KCNMA1: variants seen among roughly 807,000 people sequenced by gnomAD.
KCNMA1 encodes the protein Calcium-activated potassium channel subunit alpha-1.
Under a neutral mutation model 140.0 loss-of-function variants are expected in KCNMA1, and 29 were observed. The ratio of observed to expected loss-of-function variants is 0.21; its 90% CI spans 0.15 to 0.28. KCNMA1 has a LOEUF of 0.28. KCNMA1 is among the 10% of genes least tolerant of loss of function. KCNMA1 has a pLI of 1.00. For missense variants in KCNMA1, 880 were observed against 1,602.2 expected, an observed-to-expected ratio of 0.55 and a Z score of 7.70; for synonymous variants, 612 against 611.9, an observed-to-expected ratio of 1.00 and a Z score of 0.00.
chr10:76,929,538 G>T (rs1591023293), intron 23 of KCNMA1, among the ~76,000 whole-genome samples: 1 of 152,182 alleles, frequency 6.6e-6, no homozygotes, highest in African/African-American at 2.4e-5. Context: ...CTAGGAGAAT[G>T]ATTTATTCTA....
chr10:77,421,698 T>C (rs1433878814), intron 1 of KCNMA1, among the ~76,000 whole-genome samples: 1 of 152,258 alleles, frequency 6.6e-6, no homozygotes, highest in Non-Finnish European at 1.5e-5. Context: ...AAACCATTCT[T>C]AGCTAATGGG....
At chr10:77,106,043 G>C (rs998275009) in intron 9 of KCNMA1, among the ~76,000 whole-genome samples, 2 of 151,980 alleles carry the variant, frequency 1.3e-5, no homozygotes, top group African/African-American at 4.8e-5. Flanking sequence ...CTTTATTACC[G>C]TGCCTTTCCC....
chr10:77,571,356 T>C (rs2071220455), intron 1 of KCNMA1, among the ~76,000 whole-genome samples: 2 of 152,208 alleles, frequency 1.3e-5, no homozygotes, highest in Admixed American at 6.5e-5. Flanking sequence ...CCAGAGAGAA[T>C]GTGCATTTGA....
Position 76,889,520 on chromosome 10 carries a change from T to G in KCNMA1, c.3392A>C (p.Asn1131Thr), listed in dbSNP as rs1464644965. Residue 1131 changes from asparagine (N) to threonine (T), a missense_variant, in exon 27 of 28, where the codon AAT becomes ACT. By Grantham distance (65) the Asn-to-Thr change is moderately conservative. Coordinates refer to ENST00000286628, the MANE Select transcript of KCNMA1 (RefSeq NM_001161352.2). ...DLFCKALKTY[N>T]MLCFGIYRLR... ...CCGGTAAATTCCAAAACAAAGCATA[T>G]TATATGTTTTCAGAGCTTTGCAGAA... 2 of 1,613,872 alleles carry G rather than the reference T, an allele frequency of 1.2e-6. No homozygotes were observed. The highest frequency in any genetic ancestry group is 1.7e-6 in the Non-Finnish European group (2 of 1,179,966).
At chr10:76,895,130 G>A (rs183490742) in intron 25 of KCNMA1, among the ~76,000 whole-genome samples, 6 of 152,144 alleles carry the variant, frequency 3.9e-5, no homozygotes, top group Admixed American at 1.3e-4. Flanking sequence ...TCTAATTACC[G>A]GTGCATGCCG....
At chr10:77,502,669 T>G (rs964509564) in intron 1 of KCNMA1, among the ~76,000 whole-genome samples, 6 of 152,298 alleles carry the variant, frequency 3.9e-5, no homozygotes, top group Middle Eastern at 3.4e-3. Flanking sequence ...CTTTCTTCAC[T>G]GAGTTCAAAT....
intron 1 of KCNMA1, among the ~76,000 whole-genome samples, chr10:77,507,923 T>C (rs536123909): frequency 6.6e-6 from 1 of 152,358 alleles, no homozygotes; most frequent in East Asian, 1.9e-4. Flanking sequence ...ATTCAGTTCT[T>C]GACTGCAGTG....
At chr10:76,922,181 T>C (rs2056094800) in intron 23 of KCNMA1, among the ~76,000 whole-genome samples, 1 of 152,216 alleles carries the variant, frequency 6.6e-6, no homozygotes, top group African/African-American at 2.4e-5. Context: ...TCTTCAGCAA[T>C]CATTCTATGC....
chr10:77,216,773 G>C (rs2047919943), intron 3 of KCNMA1, among the ~76,000 whole-genome samples: 1 of 152,112 alleles, frequency 6.6e-6, no homozygotes, highest in Non-Finnish European at 1.5e-5. Context: ...TTATAAGCTG[G>C]ATATTGGCTT....
chr10:77,594,205 C>T (rs745546316), intron 1 of KCNMA1, among the ~76,000 whole-genome samples: 27 of 152,300 alleles, frequency 1.8e-4, no homozygotes, highest in Non-Finnish European at 2.9e-4. Context: ...GCCGTTCTGT[C>T]CCTGCCATCC....
chr10:77,383,980 A>G (rs1278247281), intron 2 of KCNMA1, among the ~76,000 whole-genome samples: 1 of 152,244 alleles, frequency 6.6e-6, no homozygotes, highest in Non-Finnish European at 1.5e-5. Context: ...AAGGGACAGC[A>G]GCATGCTGTA....
At chr10:77,166,113 C>T (rs759503229) in intron 5 of KCNMA1, among the ~76,000 whole-genome samples, 2 of 152,044 alleles carry the variant, frequency 1.3e-5, no homozygotes, top group African/African-American at 4.8e-5. Flanking sequence ...TGGGGCCCTT[C>T]GTCTCTAACA....
intron 1 of KCNMA1, among the ~76,000 whole-genome samples, chr10:77,506,725 A>AGAGAGAGG (rs1555400735): frequency 7.5e-6 from 1 of 133,604 alleles, no homozygotes; most frequent in African/African-American, 2.9e-5. Flanking sequence ...AGAGAGAGAG[A>AGAGAGAGG]GTGTGTGTGT....
intron 12 of KCNMA1, among the ~76,000 whole-genome samples, chr10:77,082,002 CTTTTCTTTTTTTTTT>C (rs1243364099): frequency 0.012 from 606 of 51,666 alleles, 29 homozygotes; most frequent in African/African-American, 0.031. Context: ...TTCTTTTTTT[CTTTTCTTTTTTTTTT>C]TTTTTTTTTT....
At chr10:77,443,344 C>T (rs2097451592) in intron 1 of KCNMA1, among the ~76,000 whole-genome samples, 1 of 152,214 alleles carries the variant, frequency 6.6e-6, no homozygotes, top group Non-Finnish European at 1.5e-5. Context: ...TGAGATCCAT[C>T]ACTATCCCCC....
intron 1 of KCNMA1, among the ~76,000 whole-genome samples, chr10:77,530,120 A>C (rs2057244869): frequency 6.6e-6 from 1 of 152,200 alleles, no homozygotes; most frequent in Non-Finnish European, 1.5e-5. Flanking sequence ...CAATCTTCTA[A>C]CTAACACGAG....
At chr10:77,172,373 G>A (rs2154102763) in intron 5 of KCNMA1, among the ~76,000 whole-genome samples, 1 of 152,286 alleles carries the variant, frequency 6.6e-6, no homozygotes, top group African/African-American at 2.4e-5. Context: ...GCAAATCAAT[G>A]AGGATTTAGA....
In KCNMA1 at chr10:77,128,529, T is replaced by C. The variant is rs371063188; in HGVS notation, c.809-7481A>G. Among the ~76,000 whole-genome samples the C allele has an allele frequency of 3.0e-4, 46 of 152,028 alleles. 1 individual carries two copies. The East Asian group carries it at 8.9e-3, about 30-fold the overall frequency. ...TTGACACCTGGGTCTCAGCACCCCC[T>C]ACCTGCATTCTGATTTAATGGGCGT... is the stretch of plus-strand genomic sequence containing the variant. On this transcript the variant is annotated intron_variant, in intron 5 of 27. Coordinates refer to ENST00000286628, the MANE Select transcript of KCNMA1 (RefSeq NM_001161352.2).
intron 25 of KCNMA1, among the ~76,000 whole-genome samples, chr10:76,907,499 G>A (rs1164519869): frequency 1.3e-5 from 2 of 152,102 alleles, no homozygotes; most frequent in Non-Finnish European, 2.9e-5. Flanking sequence ...CTATGTGGTT[G>A]CACAGGGCTG....
Sources: allele counts gnomAD v4.1 joint callset (sites outside exome capture counted in the v4.1 genomes callset), GRCh38; gene constraint gnomAD v4.1.1; transcripts MANE v1.5; gene names NCBI Gene and HGNC (gene_info 2026-07-23, HGNC 2026-07-21).